Variants in ADA observed in about 807,000 individuals in gnomAD.
ADA encodes the protein adenosine aminohydrolase.
In ADA, 45 loss-of-function variants were observed where a neutral mutation model predicts 49.0. That is an observed-to-expected ratio of 0.92 (90% CI 0.72 to 1.18). The LOEUF is 1.18. Among genes scored for constraint, ADA ranks in the 50% most tolerant of loss-of-function variants. The pLI is 0.00. For synonymous variants in ADA, 173 were observed against 184.2 expected (o/e 0.94, Z 0.49); for missense variants, 445 against 472.5 (o/e 0.94, Z 0.54).
chr20:44,627,995 G>C (rs1271187878), intron 3 of ADA, among the ~76,000 whole-genome samples: 1 of 152,238 alleles, frequency 6.6e-6, no homozygotes, highest in Non-Finnish European at 1.5e-5. Context: ...CTGCATGTTT[G>C]TTCCAGAAGC....
chr20:44,633,791 G>A (rs2065454941), intron 2 of ADA, among the ~76,000 whole-genome samples: 1 of 152,228 alleles, frequency 6.6e-6, no homozygotes, highest in African/African-American at 2.4e-5. Flanking sequence ...CCAGAATCCT[G>A]GGAACTGGAG....
chr20:44,639,597 G>A (rs1017646751), intron 1 of ADA, among the ~76,000 whole-genome samples: 2 of 152,084 alleles, frequency 1.3e-5, no homozygotes, highest in African/African-American at 4.8e-5. Context: ...ATTTTTAGTA[G>A]AGATGGGGTT....
intron 1 of ADA, among the ~76,000 whole-genome samples, chr20:44,650,082 G>A (rs2065629664): frequency 6.6e-6 from 1 of 152,154 alleles, no homozygotes; most frequent in South Asian, 2.1e-4. Flanking sequence ...AGGGTACAGT[G>A]GGTCCCCAGC....
chr20:44,639,516 G>T (rs181958961), intron 1 of ADA, among the ~76,000 whole-genome samples: 1 of 152,172 alleles, frequency 6.6e-6, no homozygotes, highest in African/African-American at 2.4e-5. Flanking sequence ...GGGTTCAAGC[G>T]ATTCTCCTGC....
chr20:44,626,336 CTG>C, intron 4 of ADA, 118 bp downstream of exon 4: 1 of 1,430,108 alleles, frequency 7.0e-7, no homozygotes, highest in Non-Finnish European at 9.7e-7. Context: ...ATGGACCAGA[CTG>C]GGGGCAAGAA....
intron 3 of ADA, among the ~76,000 whole-genome samples, chr20:44,628,259 T>G (rs2145323000): frequency 6.6e-6 from 1 of 152,298 alleles, no homozygotes; most frequent in East Asian, 1.9e-4. Flanking sequence ...GCGCAGTGGC[T>G]CACGCCTGTA....
Position 44,626,473 on chromosome 20 carries a change from G to A in ADA, c.345C>T (p.Ile115=), listed in dbSNP as rs2065383224. The change falls in exon 4 of 12, where the codon ATC becomes ATT. Residue 115 remains isoleucine, a synonymous_variant. Transcript: ENST00000372874. ...HLLANSKVEP[I]PWNQAEGDLT... is the part of the protein sequence containing the mutation. ...TCACTCACTCAGCCTGGTTCCAGGG[G>A]ATTGGCTCCACTTTGGAGTTGGCCA... The A allele has an allele frequency of 1.9e-6, 3 of 1,614,032 alleles. No homozygotes were observed. The highest frequency in any genetic ancestry group is 2.5e-6 in the Non-Finnish European group (3 of 1,180,040).
At chr20:44,619,908 A>G in intron 11 of ADA, 61 bp from the exon 12 acceptor site, 1 of 1,607,574 alleles carries the variant, frequency 6.2e-7, no homozygotes, top group South Asian at 1.1e-5. Context: ...GGATGTTGTA[A>G]AAATCATAGA....
At position 44,636,411 on chromosome 20, in the gene ADA, T is replaced by C. The variant is rs546187142; in HGVS notation, c.34-123A>G. ...TCATGATAACCATTAGCCACCATTTTACTGGCTGGCTGCTGACCCCATATA... is the reference window on the plus strand; with the variant it reads ...TCATGATAACCATTAGCCACCATTTCACTGGCTGGCTGCTGACCCCATATA... On this transcript the variant is annotated intron_variant, in intron 1 of 11. Coordinates refer to ENST00000372874, the MANE Select transcript of ADA (RefSeq NM_000022.4). 1.9e-5 allele frequency: 16 copies of C among 853,280 alleles called. No homozygotes were observed. The East Asian group carries it at 4.0e-4, about 22-fold the overall frequency. 52.9% of individuals were successfully genotyped at this position (853,280 alleles called of 1,614,324 possible). A position where few individuals can be genotyped will look rare whatever the true frequency, so the allele number is the denominator to read the frequency against.
At chr20:44,620,193 T>C in intron 11 of ADA, 106 bp downstream of exon 11, 1 of 1,029,360 alleles carries the variant, frequency 9.7e-7, no homozygotes, top group South Asian at 1.3e-5. Context: ...CATCACACAT[T>C]CATGGCGCTG....
intron 1 of ADA, among the ~76,000 whole-genome samples, chr20:44,641,601 C>T (rs1015109626): frequency 6.6e-6 from 1 of 151,868 alleles, no homozygotes; most frequent in South Asian, 2.1e-4. Flanking sequence ...AGGAGGAAGT[C>T]AGAAAGTCAG....
At chr20:44,620,446 G>A in intron 10 of ADA, 45 bp from the exon 11 acceptor site, 5 of 1,520,390 alleles carry the variant, frequency 3.3e-6, no homozygotes, top group Non-Finnish European at 4.6e-6. Context: ...AGAGAACAAA[G>A]AAGGCAGCTC....
At chr20:44,620,760 C>G (rs1458353764) in intron 10 of ADA, 2 of 576,680 alleles carry the variant, frequency 3.5e-6, no homozygotes, top group Non-Finnish European at 6.2e-6. Context: ...CTGCACACAC[C>G]TTTCTGGGGA....
intron 9 of ADA, among the ~76,000 whole-genome samples, chr20:44,621,707 A>T (rs2123513599): frequency 6.6e-6 from 1 of 152,096 alleles, no homozygotes; most frequent in South Asian, 2.1e-4. Context: ...CACACTTTTG[A>T]CTTTCCTCCT....
At position 44,633,347 on chromosome 20, in the gene ADA, A is replaced by C. The variant is rs543342922; in HGVS notation, c.95+2880T>G. On this transcript the variant is annotated intron_variant, in intron 2 of 11. Transcript: ENST00000372874. Reference sequence around the variant, plus strand: ...GTTTGAATCCCAGCTCTGTGACTTAAAGGCTGTGTGACCTTGGGCAAGTAA... The same window carrying C: ...GTTTGAATCCCAGCTCTGTGACTTACAGGCTGTGTGACCTTGGGCAAGTAA... 4.6e-5 allele frequency among the ~76,000 whole-genome samples: 7 copies of C among 152,338 alleles called. No homozygotes were observed. The South Asian group carries it at 1.4e-3, about 32-fold the overall frequency.
chr20:44,648,713 A>G (rs1165168392), intron 1 of ADA, among the ~76,000 whole-genome samples: 3 of 151,970 alleles, frequency 2.0e-5, no homozygotes, highest in Admixed American at 1.3e-4. Flanking sequence ...ATTGGAGTCA[A>G]TAGGGGTCCC....
intron 2 of ADA, among the ~76,000 whole-genome samples, chr20:44,629,917 C>A (rs535100772): frequency 6.6e-6 from 1 of 152,268 alleles, no homozygotes; most frequent in East Asian, 1.9e-4. Context: ...GGGGGGCTCC[C>A]TCTCTTCTGC....
rs112219237 is a variant in ADA at position 44,627,424 on chromosome 20, G to A, written c.219-825C>T. Among the ~76,000 whole-genome samples, 1,309 of 152,198 alleles carry A rather than the reference G, an allele frequency of 8.6e-3. 7 individuals are homozygous for A. Among genetic ancestry groups the A allele is most frequent in the Admixed American group, 0.021 (323 of 15,290 alleles). Reference sequence around the variant, plus strand: ...TCTCGATCTCCTGACCTCATGATCCGCCCACCTCAGCCTCCCAAAGTGCTG... The same window carrying A: ...TCTCGATCTCCTGACCTCATGATCCACCCACCTCAGCCTCCCAAAGTGCTG... On this transcript the variant is annotated intron_variant, in intron 3 of 11. Transcript: ENST00000372874.
Position 44,619,800 on chromosome 20 carries a change from CT to C in ADA, c.*33del. 6.2e-7 allele frequency: 1 copy of C among 1,614,130 alleles called. No individual in the cohort carries two copies. Among genetic ancestry groups the C allele is most frequent in the Non-Finnish European group, 8.5e-7 (1 of 1,179,984 alleles). ...GCTCAGCCCCACAGAGTTGGGGTGA[CT>C]CCACAGGGTGAAGGCTTGGAGGAGT... On this transcript the variant is annotated 3_prime_UTR_variant, in exon 12 of 12. Coordinates refer to ENST00000372874, the MANE Select transcript of ADA (RefSeq NM_000022.4).
Sources: gnomAD v4.1 joint callset for allele counts (sites outside exome capture counted in the v4.1 genomes callset) on GRCh38, gnomAD v4.1.1 for gene constraint, MANE v1.5 for transcripts, NCBI Gene and HGNC (gene_info 2026-07-23, HGNC 2026-07-21) for gene names.